SCUBE1: variants seen among roughly 807,000 people sequenced by gnomAD.
SCUBE1 encodes signal peptide, CUB domain and EGF like domain containing 1, also known as signal peptide, CUB and EGF-like domain-containing protein 1.
Under a neutral mutation model 124.4 loss-of-function variants are expected in SCUBE1, and 59 were observed. That is an observed-to-expected ratio of 0.47 (90% CI 0.38 to 0.59). The LOEUF is 0.59. SCUBE1 is among the 20% of genes least tolerant of loss of function. The pLI, the probability that SCUBE1 is intolerant of heterozygous loss-of-function variation, is 0.00. For synonymous variants in SCUBE1, 545 were observed against 550.9 expected (o/e 0.99, Z 0.15); for missense variants, 1,150 against 1,371.2 (o/e 0.84, Z 2.55).
At chr22:43,233,578 A>G (rs1320279707) in intron 7 of SCUBE1, 1 of 152,214 alleles carries the variant, frequency 6.6e-6, no homozygotes, top group African/African-American at 2.4e-5. Flanking sequence ...TGAGCCAGGT[A>G]CCTGAAGGGC....
chr22:43,279,980 T>C (rs948671850), intron 4 of SCUBE1, among the ~76,000 whole-genome samples: 8 of 152,240 alleles, frequency 5.3e-5, no homozygotes, highest in African/African-American at 1.9e-4. Flanking sequence ...CCTTGAATAC[T>C]GAGCTTTTCC....
rs373835525 is a variant in SCUBE1, at chr22:43,227,428, C to G, written c.1153G>C (p.Glu385Gln). The change falls in exon 10 of 22, where the codon GAG (glutamate) becomes CAG (glutamine). Residue 385 changes from glutamate to glutamine, a missense_variant. This residue lies in a region of SCUBE1 where 757 missense variants were observed against 840.9 expected (regional missense o/e 0.90). Transcript: ENST00000360835. ...QGCVNTKGSY[E>Q]CVCPPGRRLH... ...CGCCTCCCCGGGGGACAGACGCACT[C>G]GTAGCTGCCCTTGGTGTTGACGCAG... The G allele has an allele frequency of 4.5e-5, 73 of 1,613,142 alleles. 1 individual carries two copies. The South Asian group carries it at 7.4e-4, about 16-fold the overall frequency.
At chr22:43,229,321 C>T (rs1922459945) in intron 8 of SCUBE1, 133 bp from the exon 9 acceptor site, 7 of 681,092 alleles carry the variant, frequency 1.0e-5, no homozygotes, top group Middle Eastern at 2.4e-4. Context: ...AGCACAGCAC[C>T]GACCCACAGG....
intron 6 of SCUBE1, among the ~76,000 whole-genome samples, chr22:43,250,722 G>A (rs1379054589): frequency 2.0e-5 from 3 of 152,170 alleles, no homozygotes; most frequent in Non-Finnish European, 2.9e-5. Context: ...GGCCCAGAGG[G>A]AGCTCAGGCT....
intron 15 of SCUBE1, among the ~76,000 whole-genome samples, chr22:43,215,650 C>A (rs1921776777): frequency 6.6e-6 from 1 of 152,096 alleles, no homozygotes; most frequent in South Asian, 2.1e-4. Context: ...GAGTCAGGTC[C>A]CCAGGAAAAA....
chr22:43,274,157 C>T lies in SCUBE1; in HGVS notation c.485-11312G>A, dbSNP rs568718706. ...GAGAAGTCAAGAGTCAAGAGACTCA[C>T]TCACCTCCTGAGCTTTACTCCCTCA... On this transcript the variant is annotated intron_variant, in intron 4 of 21. Transcript: ENST00000360835. 1.1e-4 allele frequency among the ~76,000 whole-genome samples: 16 copies of T among 152,318 alleles called. No individual in the cohort carries two copies. In the South Asian group the frequency reaches 3.1e-3, roughly 30 times the overall value.
intron 3 of SCUBE1, among the ~76,000 whole-genome samples, chr22:43,296,875 A>C (rs1158087818): frequency 6.6e-6 from 1 of 152,314 alleles, no homozygotes; most frequent in East Asian, 1.9e-4. Context: ...CCTCGGAAAA[A>C]GACCACTCCA....
chr22:43,246,755 G>T (rs2146694217), intron 6 of SCUBE1, among the ~76,000 whole-genome samples: 1 of 152,356 alleles, frequency 6.6e-6, no homozygotes, highest in East Asian at 1.9e-4. Context: ...ATGTGGCTGA[G>T]GACAGATTAA....
At chr22:43,296,437 CTTTA>C (rs1040016102) in intron 3 of SCUBE1, among the ~76,000 whole-genome samples, 5 of 152,214 alleles carry the variant, frequency 3.3e-5, no homozygotes, top group African/African-American at 9.6e-5. Context: ...GGTCCTTCAT[CTTTA>C]TTTATGACCA....
At chr22:43,299,877 C>T (rs527869163) in intron 3 of SCUBE1, among the ~76,000 whole-genome samples, 8 of 152,252 alleles carry the variant, frequency 5.3e-5, no homozygotes, top group African/African-American at 1.4e-4. Context: ...GAGAGTCATG[C>T]GATATTTGTC....
At position 43,258,396 on chromosome 22, in the gene SCUBE1, G is replaced by A. The variant is rs1249218434; in HGVS notation, c.611-61C>T. ...ACAGAACAACAAAAACGGTTAGTTT[G>A]CCGGTGTTGGCGGCTGCCTTCAGGG... is the stretch of plus-strand genomic sequence containing the variant. On this transcript the variant is annotated intron_variant, in intron 5 of 21. Transcript: ENST00000360835. The surrounding 1 kb of genome is among the most constrained non-coding windows in gnomAD (Gnocchi z 5.0). 3 of 1,279,072 alleles carry A rather than the reference G, an allele frequency of 2.3e-6. No homozygotes were observed. Among genetic ancestry groups the A allele is most frequent in the Admixed American group, 3.4e-5 (2 of 59,474 alleles). The allele number at this position is 1,279,072 out of a possible 1,614,324, so 79.2% of individuals were successfully genotyped here.
rs1393924447 is a variant in SCUBE1, at chr22:43,234,084, G to C, written c.845-2209C>G. 6.6e-6 allele frequency among the ~76,000 whole-genome samples: 1 copy of C among 152,058 alleles called. No homozygotes were observed. The highest frequency in any genetic ancestry group is 2.4e-5 in the African/African-American group (1 of 41,396). On this transcript the variant is annotated intron_variant, in intron 7 of 21. Coordinates refer to ENST00000360835, the MANE Select transcript of SCUBE1 (RefSeq NM_173050.5). This position sits in a 1 kb window ranked among gnomAD's most constrained non-coding sequence, Gnocchi z 4.4. ...ATCACGCTGGCCCTGCAGCCACCAA[G>C]AAAGAGATATGAAGCCCAGCTGTGC...
chr22:43,312,180 T>C (rs1401374226), intron 3 of SCUBE1, among the ~76,000 whole-genome samples: 2 of 152,220 alleles, frequency 1.3e-5, no homozygotes, highest in Non-Finnish European at 2.9e-5. Flanking sequence ...ATTTACTAAA[T>C]GCCTACAATA....
At chr22:43,208,780 C>T (rs1218826809) in intron 19 of SCUBE1, among the ~76,000 whole-genome samples, 6 of 152,240 alleles carry the variant, frequency 3.9e-5, no homozygotes, top group Non-Finnish European at 7.3e-5. Context: ...AGCGTGGGTA[C>T]AGCATGTGAC....
At chr22:43,212,674 G>A in intron 16 of SCUBE1, 82 bp from the exon 17 acceptor site, 1 of 1,441,674 alleles carries the variant, frequency 6.9e-7, no homozygotes, top group South Asian at 1.3e-5. Flanking sequence ...CCCCGCTCTT[G>A]GCCCTTGCCC....
intron 4 of SCUBE1, among the ~76,000 whole-genome samples, chr22:43,270,998 C>T (rs1013532688): frequency 2.0e-5 from 3 of 152,184 alleles, no homozygotes; most frequent in Non-Finnish European, 2.9e-5. Flanking sequence ...GCCTCCCGGC[C>T]GCCCTGCACA....
In SCUBE1 at chr22:43,210,974, C is replaced by T. The variant is rs780769986; in HGVS notation, c.2331G>A (p.Pro777=). The T allele has an allele frequency of 1.4e-5, 22 of 1,613,990 alleles. No homozygotes were observed. The African/African-American group carries it at 1.5e-4, about 11-fold the overall frequency. The change falls in exon 18 of 22, where the codon CCG becomes CCA. Residue 777 remains proline (P), a synonymous_variant. Transcript: ENST00000360835. The surrounding 1 kb of genome is among the most constrained non-coding windows in gnomAD (Gnocchi z 4.5). ...CATCGAAGTCTGTGCTGGTGTTGCC[C>T]GGACAGGTGATGCAGTGGTTCTGGC... ...EFGQNHCITC[P]GNTSTDFDGS...
chr22:43,330,306 C>T (rs1926865023), intron 2 of SCUBE1, among the ~76,000 whole-genome samples: 1 of 152,294 alleles, frequency 6.6e-6, no homozygotes, highest in African/African-American at 2.4e-5. Context: ...CATTGACCAT[C>T]ACAGCTGGAA....
chr22:43,311,678 C>T (rs186290054), intron 3 of SCUBE1, among the ~76,000 whole-genome samples: 61 of 152,070 alleles, frequency 4.0e-4, no homozygotes, highest in Middle Eastern at 3.4e-3. Flanking sequence ...CCACCCGCCT[C>T]GGTCTCTCAA....
Sources: allele counts gnomAD v4.1 joint callset (sites outside exome capture counted in the v4.1 genomes callset), GRCh38; gene constraint gnomAD v4.1.1; regional missense constraint gnomAD v4.1.1; non-coding constraint Gnocchi (gnomAD v3.1); transcripts MANE v1.5; gene names NCBI Gene and HGNC (gene_info 2026-07-23, HGNC 2026-07-21).